The following PLA2G4A variants were observed in gnomAD, a reference collection of about 807,000 sequenced individuals.
PLA2G4A encodes the protein cytosolic phospholipase A2.
Under a neutral mutation model 81.9 loss-of-function variants are expected in PLA2G4A, and 40 were observed. That is an observed-to-expected ratio of 0.49 (90% CI 0.38 to 0.64). PLA2G4A has a LOEUF of 0.64. Ranked by LOEUF, PLA2G4A falls within the 30% of genes least tolerant of loss-of-function variation. PLA2G4A has a pLI of 0.00. For synonymous variants in PLA2G4A, 302 were observed against 296.9 expected, an observed-to-expected ratio of 1.02 and a Z score of -0.18; for missense variants, 715 against 905.1, an observed-to-expected ratio of 0.79 and a Z score of 2.69.
chr1:186,876,534 C>G (rs10911941), intron 3 of PLA2G4A, among the ~76,000 whole-genome samples: 3,329 of 152,170 alleles, frequency 0.022, 126 homozygotes, highest in African/African-American at 0.067. Flanking sequence ...TTATAATTGC[C>G]TATAAATTAG....
intron 8 of PLA2G4A, among the ~76,000 whole-genome samples, chr1:186,936,832 G>A (rs938847774): frequency 1.3e-5 from 2 of 151,722 alleles, no homozygotes; most frequent in Non-Finnish European, 2.9e-5. Context: ...TGAAAAATTT[G>A]AGGCAAATAT....
At position 186,930,008 on chromosome 1, in the gene PLA2G4A, A is replaced by G. The variant is rs1452064498; in HGVS notation, c.559-2755A>G. Among the ~76,000 whole-genome samples, 6 of 152,260 alleles carry G rather than the reference A, an allele frequency of 3.9e-5. No individual in the cohort carries two copies. The East Asian group carries it at 5.8e-4, about 15-fold the overall frequency. ...GGAGTTTAAGACCATCCTGGGCAACATGGCAAAACCCCGTCTCTATGCCAG... is the reference window on the plus strand; with the variant it reads ...GGAGTTTAAGACCATCCTGGGCAACGTGGCAAAACCCCGTCTCTATGCCAG... On this transcript the variant is annotated intron_variant, in intron 7 of 17. Coordinates refer to ENST00000367466, the MANE Select transcript of PLA2G4A (RefSeq NM_024420.3).
intron 3 of PLA2G4A, among the ~76,000 whole-genome samples, chr1:186,883,998 C>T (rs1331054974): frequency 6.6e-6 from 1 of 151,644 alleles, no homozygotes; most frequent in African/African-American, 2.4e-5. Flanking sequence ...TAAGGATGCC[C>T]AATATTTGTT....
At chr1:186,904,293 G>A (rs1252207224) in intron 5 of PLA2G4A, among the ~76,000 whole-genome samples, 1 of 152,188 alleles carries the variant, frequency 6.6e-6, no homozygotes, top group African/African-American at 2.4e-5. Context: ...GGTGTTGGGG[G>A]AAGCCTGGAA....
At chr1:186,939,767 ATCTAGAGTTAT>A in intron 9 of PLA2G4A, among the ~76,000 whole-genome samples, 1 of 152,168 alleles carries the variant, frequency 6.6e-6, no homozygotes, top group African/African-American at 2.4e-5. Context: ...TAGACATATA[ATCTAGAGTTAT>A]GATTATTTTT....
At chr1:186,856,271 T>C (rs893628426) in intron 2 of PLA2G4A, among the ~76,000 whole-genome samples, 1 of 140,480 alleles carries the variant, frequency 7.1e-6, no homozygotes, top group Non-Finnish European at 1.5e-5. Context: ...TGTATTATAG[T>C]TTTCTTTAAG....
chr1:186,985,099 G>A (rs1657851361), intron 17 of PLA2G4A, among the ~76,000 whole-genome samples: 1 of 152,050 alleles, frequency 6.6e-6, no homozygotes, highest in South Asian at 2.1e-4. Flanking sequence ...TTCTAGCCAG[G>A]CCAGAATGAA....
intron 14 of PLA2G4A, among the ~76,000 whole-genome samples, chr1:186,959,557 G>C (rs181295818): frequency 1.3e-5 from 2 of 152,116 alleles, no homozygotes; most frequent in Middle Eastern, 6.8e-3. Context: ...AAAAAATTTA[G>C]TTCAGTCAGT....
chr1:186,916,382 C>G (rs566262007), intron 7 of PLA2G4A, among the ~76,000 whole-genome samples: 5 of 151,790 alleles, frequency 3.3e-5, no homozygotes, highest in Non-Finnish European at 7.4e-5. Context: ...CCAAGTGGCC[C>G]AAATGACACA....
chr1:186,926,004 A>G (rs889614381), intron 7 of PLA2G4A, among the ~76,000 whole-genome samples: 1 of 152,194 alleles, frequency 6.6e-6, no homozygotes, highest in African/African-American at 2.4e-5. Context: ...TGCTAGAGAG[A>G]GAGGTCATGG....
chr1:186,957,613 G>A (rs1656800212), intron 14 of PLA2G4A, among the ~76,000 whole-genome samples: 1 of 152,196 alleles, frequency 6.6e-6, no homozygotes, highest in South Asian at 2.1e-4. Flanking sequence ...GCTTGAGTAA[G>A]CCAGCCTGTA....
rs1433102051 is a variant in PLA2G4A, at chr1:186,897,971, TTACTTTTGG to T, written c.378+3761_378+3769del. Reference sequence around the variant, plus strand: ...AACTCTTGCTCCTCTCCTTCTCTCCTTACTTTTGGAGTCTCCAGTGTCTATTTTTCTCAT... The same window carrying T: ...AACTCTTGCTCCTCTCCTTCTCTCCTAGTCTCCAGTGTCTATTTTTCTCAT... On this transcript the variant is annotated intron_variant, in intron 5 of 17. Transcript: ENST00000367466. 8.0e-4 allele frequency among the ~76,000 whole-genome samples: 122 copies of T among 152,262 alleles called. 1 individual carries two copies. The highest frequency in any genetic ancestry group is 2.8e-3 in the African/African-American group (116 of 41,556).
intron 14 of PLA2G4A, among the ~76,000 whole-genome samples, chr1:186,961,117 A>T (rs1482640003): frequency 6.6e-6 from 1 of 152,022 alleles, no homozygotes; most frequent in Non-Finnish European, 1.5e-5. Context: ...GTTATGTGCA[A>T]TCTAAAAAAG....
At chr1:186,927,559 G>T (rs987927291) in intron 7 of PLA2G4A, among the ~76,000 whole-genome samples, 1 of 152,188 alleles carries the variant, frequency 6.6e-6, no homozygotes, top group African/African-American at 2.4e-5. Flanking sequence ...GTAAAGAAAT[G>T]AGAGAAGAAA....
intron 7 of PLA2G4A, among the ~76,000 whole-genome samples, chr1:186,912,799 T>A (rs1351222758): frequency 7.4e-6 from 1 of 134,892 alleles, no homozygotes; most frequent in Non-Finnish European, 1.6e-5. Flanking sequence ...TATATATGTA[T>A]ATATATATAT....
chr1:186,966,919 G>A (rs1657153198), intron 15 of PLA2G4A, among the ~76,000 whole-genome samples: 1 of 152,062 alleles, frequency 6.6e-6, no homozygotes, highest in African/African-American at 2.4e-5. Context: ...TAATCATTTG[G>A]TCCTAATTGT....
intron 3 of PLA2G4A, among the ~76,000 whole-genome samples, chr1:186,886,628 T>G (rs1301885317): frequency 6.6e-6 from 1 of 152,210 alleles, no homozygotes; most frequent in African/African-American, 2.4e-5. Flanking sequence ...TTGTTGATAA[T>G]TGAAGCATAA....
intron 10 of PLA2G4A, among the ~76,000 whole-genome samples, chr1:186,941,151 G>T (rs1237115295): frequency 6.7e-6 from 1 of 148,744 alleles, no homozygotes; most frequent in Non-Finnish European, 1.5e-5. Context: ...GCATACTTTT[G>T]GGGGGGCCTC....
At chr1:186,852,550 C>T (rs927051464) in intron 1 of PLA2G4A, among the ~76,000 whole-genome samples, 30 of 151,974 alleles carry the variant, frequency 2.0e-4, no homozygotes, top group Non-Finnish European at 3.5e-4. Context: ...CCTGGTGAGG[C>T]TATTCTTTTC....
Sources: gnomAD v4.1 joint callset for allele counts (sites outside exome capture counted in the v4.1 genomes callset) on GRCh38, gnomAD v4.1.1 for gene constraint, MANE v1.5 for transcripts, NCBI Gene and HGNC (gene_info 2026-07-23, HGNC 2026-07-21) for gene names.